P2RY14: variants seen among roughly 807,000 people sequenced by gnomAD.
P2RY14 encodes the protein purinergic receptor P2Y14, also known as P2Y purinoceptor 14.
In P2RY14, 2 loss-of-function variants were observed where a neutral mutation model predicts 0.9. That is an observed-to-expected ratio of 2.16 (90% confidence interval 0.88 to 6.79). The LOEUF (loss-of-function observed/expected upper bound fraction) is 6.79, where lower values mean the gene tolerates loss of function less well. P2RY14 is among the 30% of genes most tolerant of loss of function. The pLI is 0.05. For missense variants in P2RY14, 378 were observed against 400.1 expected, an observed-to-expected ratio of 0.94 and a Z score of 0.47; for synonymous variants, 158 against 147.2, an observed-to-expected ratio of 1.07 and a Z score of -0.53.
chr3:151,254,045 T>C (rs575609777), intron 1 of P2RY14, among the ~76,000 whole-genome samples: 44 of 151,700 alleles, frequency 2.9e-4, no homozygotes, highest in South Asian at 2.5e-3. Flanking sequence ...ATCAAAGTTA[T>C]GCATTTGTGT....
At chr3:151,232,590 T>C (rs1731903022) in intron 1 of P2RY14, among the ~76,000 whole-genome samples, 1 of 152,200 alleles carries the variant, frequency 6.6e-6, no homozygotes, top group Admixed American at 6.5e-5. Flanking sequence ...ATATATGCCA[T>C]GGAATACTAT....
intron 1 of P2RY14, 116 bp from the exon 2 acceptor site, chr3:151,219,758 CAT>C (rs1728957279): frequency 6.6e-6 from 1 of 152,004 alleles, no homozygotes; most frequent in Non-Finnish European, 1.5e-5. Context: ...AATATTTCAA[CAT>C]GTGCATTTGT....
In P2RY14 at chr3:151,241,008, A is replaced by G. The variant is rs537579229; in HGVS notation, c.-132-21366T>C. Among the ~76,000 whole-genome samples, 5 of 152,292 alleles carry G rather than the reference A, an allele frequency of 3.3e-5. No homozygotes were observed. The East Asian group carries it at 7.7e-4, about 23-fold the overall frequency. On this transcript the variant is annotated intron_variant, in intron 1 of 2. Coordinates refer to ENST00000309170, the MANE Select transcript of P2RY14 (RefSeq NM_014879.4). Reference sequence around the variant, plus strand: ...CCTTTTCCAGTGTCTCCTGGTTGCCAAAAACATCCAGTGAGATGAGAGTAT... The same window carrying G: ...CCTTTTCCAGTGTCTCCTGGTTGCCGAAAACATCCAGTGAGATGAGAGTAT...
intron 1 of P2RY14, among the ~76,000 whole-genome samples, chr3:151,267,796 A>C (rs896403820): frequency 2.0e-5 from 3 of 152,180 alleles, no homozygotes; most frequent in Non-Finnish European, 2.9e-5. Flanking sequence ...AGGCAGAGTA[A>C]TAAGAAAGGA....
intron 1 of P2RY14, among the ~76,000 whole-genome samples, chr3:151,241,508 A>T (rs1014152471): frequency 6.6e-6 from 1 of 152,114 alleles, no homozygotes; most frequent in Non-Finnish European, 1.5e-5. Context: ...CCTATAATGG[A>T]TGGGACTGAT....
chr3:151,258,185 C>T (rs1350226578), intron 1 of P2RY14, among the ~76,000 whole-genome samples: 1 of 152,082 alleles, frequency 6.6e-6, no homozygotes, highest in Non-Finnish European at 1.5e-5. Context: ...GGTATGAGAC[C>T]ACTGTGAGAT....
At chr3:151,222,180 T>A (rs1729497157) in intron 1 of P2RY14, among the ~76,000 whole-genome samples, 1 of 152,236 alleles carries the variant, frequency 6.6e-6, no homozygotes, top group Admixed American at 6.5e-5. Context: ...TGTACTGCAT[T>A]GTATCTAGGA....
chr3:151,272,723 T>C (rs560953413), intron 1 of P2RY14, among the ~76,000 whole-genome samples: 2 of 152,248 alleles, frequency 1.3e-5, no homozygotes, highest in East Asian at 1.9e-4. Context: ...TGGATATGGC[T>C]TGAAGTGTGG....
Position 151,213,620 on chromosome 3 carries a change from G to A in P2RY14, c.697C>T (p.Arg233Cys), listed in dbSNP as rs771336297. The A allele has an allele frequency of 1.3e-5, 21 of 1,614,004 alleles. No homozygotes were observed. The highest frequency in any genetic ancestry group is 4.5e-5 in the East Asian group (2 of 44,902). The change falls in exon 3 of 3, where the codon CGC (arginine) becomes TGC (cysteine). Residue 233 changes from arginine to cysteine, a missense_variant. Coordinates refer to ENST00000309170, the MANE Select transcript of P2RY14 (RefSeq NM_014879.4). ...ACAAACACGATGCTGAATATGTTGC[G>A]GCTAGATTTCTTTTTGACCGAAGTG... ...NSTSVKKKSS[R>C]NIFSIVFVFF...
chr3:151,216,422 T>C (rs1728230730), intron 2 of P2RY14, among the ~76,000 whole-genome samples: 1 of 152,224 alleles, frequency 6.6e-6, no homozygotes, highest in Admixed American at 6.5e-5. Flanking sequence ...TTTTGAAATA[T>C]GGAATATGAA....
intron 2 of P2RY14, among the ~76,000 whole-genome samples, chr3:151,218,324 A>G (rs1014735441): frequency 1.3e-5 from 2 of 152,184 alleles, no homozygotes; most frequent in Non-Finnish European, 2.9e-5. Context: ...AAAAAATTAA[A>G]AGATGAACAG....
intron 1 of P2RY14, among the ~76,000 whole-genome samples, chr3:151,254,942 G>A (rs1417984413): frequency 1.3e-5 from 2 of 152,174 alleles, no homozygotes; most frequent in African/African-American, 2.4e-5. Flanking sequence ...GCTACCAAAA[G>A]TCTGAGTCAG....
chr3:151,266,238 C>G lies in P2RY14; in HGVS notation c.-133+12049G>C, dbSNP rs747409580. Among the ~76,000 whole-genome samples the G allele has an allele frequency of 2.6e-5, 4 of 152,150 alleles. No individual in the cohort carries two copies. In the South Asian group the frequency reaches 6.2e-4, roughly 24 times the overall value. On this transcript the variant is annotated intron_variant, in intron 1 of 2. Transcript: ENST00000309170. Reference sequence around the variant, plus strand: ...AAATAAGTAGATGTCCCTTCATGACCTCAATTTCCAAGGTATTCAACATCT... The same window carrying G: ...AAATAAGTAGATGTCCCTTCATGACGTCAATTTCCAAGGTATTCAACATCT...
chr3:151,254,521 A>G (rs1176434412), intron 1 of P2RY14, among the ~76,000 whole-genome samples: 16 of 152,226 alleles, frequency 1.1e-4, no homozygotes, highest in Admixed American at 1.0e-3. Flanking sequence ...AACATGCTAT[A>G]TAAATGTTAG....
rs181443675 is a variant in P2RY14, at chr3:151,275,847, A to G, written c.-133+2440T>C. 6.6e-5 allele frequency among the ~76,000 whole-genome samples: 10 copies of G among 152,206 alleles called. No individual in the cohort carries two copies. The East Asian group carries it at 1.9e-3, about 29-fold the overall frequency. On this transcript the variant is annotated intron_variant, in intron 1 of 2. Transcript: ENST00000309170. ...AGATAGGATATTTTTACTGAAGTTG[A>G]TTTATCTAGCTGTGCTGCTCAGACT...
At chr3:151,259,132 G>T (rs146024839) in intron 1 of P2RY14, among the ~76,000 whole-genome samples, 1 of 152,114 alleles carries the variant, frequency 6.6e-6, no homozygotes, top group Non-Finnish European at 1.5e-5. Context: ...GGACTGAAAG[G>T]TTCACCTAAG....
chr3:151,257,419 CTTAG>C (rs1738027303), intron 1 of P2RY14, among the ~76,000 whole-genome samples: 1 of 152,194 alleles, frequency 6.6e-6, no homozygotes, highest in African/African-American at 2.4e-5. Flanking sequence ...AATAGATTGC[CTTAG>C]TTAGAATACC....
intron 1 of P2RY14, among the ~76,000 whole-genome samples, chr3:151,223,693 G>A (rs568204126): frequency 3.8e-4 from 58 of 152,212 alleles, no homozygotes; most frequent in Non-Finnish European, 7.5e-4. Context: ...CAAAGACGGG[G>A]AGGTAGGAAG....
At chr3:151,275,258 A>G (rs1741653766) in intron 1 of P2RY14, among the ~76,000 whole-genome samples, 1 of 152,144 alleles carries the variant, frequency 6.6e-6, no homozygotes, top group Non-Finnish European at 1.5e-5. Context: ...GCTTTGGGCC[A>G]ACCTCAGAAG....
Sources: allele counts gnomAD v4.1 joint callset (sites outside exome capture counted in the v4.1 genomes callset), GRCh38; gene constraint gnomAD v4.1.1; transcripts MANE v1.5; gene names NCBI Gene and HGNC (gene_info 2026-07-23, HGNC 2026-07-21).